PELI2: variants seen among roughly 807,000 people sequenced by gnomAD.
PELI2 encodes the protein E3 ubiquitin-protein ligase pellino homolog 2.
Under a neutral mutation model 42.3 loss-of-function variants are expected in PELI2, and 23 were observed. The ratio of observed to expected loss-of-function variants is 0.54; its 90% CI spans 0.39 to 0.77. PELI2 has a LOEUF of 0.77. Among genes scored for constraint, PELI2 ranks in the 30% least tolerant of loss-of-function variants. PELI2 has a pLI of 0.00. For synonymous variants in PELI2, 245 were observed against 212.2 expected (o/e 1.15, Z -1.34); for missense variants, 463 against 553.2 (o/e 0.84, Z 1.64).
chr14:56,298,582 T>C lies in PELI2; in HGVS notation c.*1416T>C, dbSNP rs1278074725. On this transcript the variant is annotated 3_prime_UTR_variant, in exon 6 of 6. Coordinates refer to ENST00000267460, the MANE Select transcript of PELI2 (RefSeq NM_021255.3). ...GACTTTTTTTTAACCTTTGTACATATACGTAATTTATATGATTCTAATGTA... is the reference window on the plus strand; with the variant it reads ...GACTTTTTTTTAACCTTTGTACATACACGTAATTTATATGATTCTAATGTA... 2.0e-5 allele frequency: 3 copies of C among 152,690 alleles called. No individual in the cohort carries two copies. Among genetic ancestry groups the C allele is most frequent in the African/African-American group, 7.2e-5 (3 of 41,476 alleles). The allele number at this position is 152,690 out of a possible 1,614,324, so 9.5% of individuals were successfully genotyped here.
intron 1 of PELI2, among the ~76,000 whole-genome samples, chr14:56,156,181 A>G (rs752234981): frequency 6.6e-5 from 10 of 152,232 alleles, no homozygotes; most frequent in Admixed American, 1.3e-4. Context: ...TATCTGTAGT[A>G]AGTCTGAATT....
intron 2 of PELI2, among the ~76,000 whole-genome samples, chr14:56,201,999 A>G (rs1886348216): frequency 1.3e-5 from 2 of 152,232 alleles, no homozygotes; most frequent in South Asian, 4.1e-4. Context: ...CCGATGAGGT[A>G]AATTCTATTG....
chr14:56,194,334 G>A (rs973352557), intron 2 of PELI2, among the ~76,000 whole-genome samples: 4 of 152,182 alleles, frequency 2.6e-5, no homozygotes, highest in African/African-American at 9.7e-5. Context: ...GTCTTTGGCT[G>A]TGGTCTCTTC....
At chr14:56,274,953 T>G (rs147910357) in intron 2 of PELI2, among the ~76,000 whole-genome samples, 81 of 152,282 alleles carry the variant, frequency 5.3e-4, no homozygotes, top group African/African-American at 1.9e-3. Flanking sequence ...CTCAAAACAT[T>G]TGAGCTGAGA....
intron 1 of PELI2, among the ~76,000 whole-genome samples, chr14:56,131,302 G>A (rs1883473454): frequency 6.6e-6 from 1 of 152,228 alleles, no homozygotes; most frequent in African/African-American, 2.4e-5. Context: ...AGCTGGCATA[G>A]CTTTACACTG....
In PELI2 at chr14:56,298,470, G is replaced by A. The variant is rs1246648454; in HGVS notation, c.*1304G>A. On this transcript the variant is annotated 3_prime_UTR_variant, in exon 6 of 6. Coordinates refer to ENST00000267460, the MANE Select transcript of PELI2 (RefSeq NM_021255.3). ...CTCCTAGAAGGTAAAGATCCTTTAG[G>A]ACATGAGACTGGTAGAAGCTGGCTG... 1 of 152,550 alleles carries A rather than the reference G, an allele frequency of 6.6e-6. No homozygotes were observed. The highest frequency in any genetic ancestry group is 2.4e-5 in the African/African-American group (1 of 41,418). 9.4% of individuals were successfully genotyped at this position (152,550 alleles called of 1,614,324 possible). A position where few individuals can be genotyped will look rare whatever the true frequency, so the allele number is the denominator to read the frequency against.
At chr14:56,238,004 T>C (rs1887855955) in intron 2 of PELI2, among the ~76,000 whole-genome samples, 1 of 152,194 alleles carries the variant, frequency 6.6e-6, no homozygotes, top group Non-Finnish European at 1.5e-5. Context: ...GTTGCTGTTA[T>C]ATGATTCTTT....
At chr14:56,145,369 G>A (rs969917384) in intron 1 of PELI2, among the ~76,000 whole-genome samples, 5 of 152,184 alleles carry the variant, frequency 3.3e-5, no homozygotes, top group African/African-American at 2.4e-5. Context: ...TTACAATTCA[G>A]CATGAGATTT....
intron 4 of PELI2, among the ~76,000 whole-genome samples, chr14:56,289,866 A>G (rs980149882): frequency 3.9e-5 from 6 of 152,224 alleles, no homozygotes; most frequent in Non-Finnish European, 1.5e-5. Flanking sequence ...TCTCTTCTCT[A>G]TCCTGACAGT....
At chr14:56,276,994 C>G (rs1889316228) in intron 2 of PELI2, among the ~76,000 whole-genome samples, 23 of 152,140 alleles carry the variant, frequency 1.5e-4, no homozygotes. Context: ...TACCCTTTTT[C>G]ATGTGCTACA....
chr14:56,258,118 T>C (rs1888583622), intron 2 of PELI2, among the ~76,000 whole-genome samples: 1 of 152,136 alleles, frequency 6.6e-6, no homozygotes, highest in African/African-American at 2.4e-5. Flanking sequence ...GGAAATCGGA[T>C]AGAGTCTGCA....
intron 2 of PELI2, among the ~76,000 whole-genome samples, chr14:56,240,773 C>T (rs1001191739): frequency 1.3e-5 from 2 of 152,082 alleles, no homozygotes; most frequent in African/African-American, 4.8e-5. Flanking sequence ...GGATGTGGGT[C>T]CCCAAGGCAG....
intron 2 of PELI2, among the ~76,000 whole-genome samples, chr14:56,248,919 T>C (rs997004801): frequency 6.6e-6 from 1 of 152,168 alleles, no homozygotes; most frequent in African/African-American, 2.4e-5. Flanking sequence ...TTAGGAAGTC[T>C]CAGGGAAGCA....
rs369559872 is a variant in PELI2, at chr14:56,213,790, A to G, written c.207+35326A>G. On this transcript the variant is annotated intron_variant, in intron 2 of 5. Transcript: ENST00000267460. ...TATTTATTTAGTTGGATTTCTCCTG[A>G]AGGATATATCAGTTTTCTGAATGAC... 2.0e-4 allele frequency among the ~76,000 whole-genome samples: 30 copies of G among 152,298 alleles called. 1 individual carries two copies. In the East Asian group the frequency reaches 2.7e-3, roughly 14 times the overall value.
At chr14:56,127,749 G>A (rs988286053) in intron 1 of PELI2, among the ~76,000 whole-genome samples, 4 of 152,292 alleles carry the variant, frequency 2.6e-5, no homozygotes, top group East Asian at 1.9e-4. Context: ...TAAAGTGAAC[G>A]TAACTTCTGA....
intron 1 of PELI2, among the ~76,000 whole-genome samples, chr14:56,147,306 A>G (rs1044263497): frequency 2.0e-5 from 3 of 152,184 alleles, no homozygotes; most frequent in Non-Finnish European, 4.4e-5. Context: ...TTTCTTTGGT[A>G]GGTACTTAGT....
At chr14:56,277,270 C>T (rs1011974701) in intron 2 of PELI2, among the ~76,000 whole-genome samples, 9 of 152,234 alleles carry the variant, frequency 5.9e-5, no homozygotes, top group African/African-American at 1.4e-4. Context: ...GCTTGCATTA[C>T]GGGTTGAACT....
intron 2 of PELI2, among the ~76,000 whole-genome samples, chr14:56,270,573 TAC>T (rs1365643876): frequency 6.6e-6 from 1 of 152,232 alleles, no homozygotes; most frequent in Non-Finnish European, 1.5e-5. Context: ...CTCTAATTAA[TAC>T]AGTCAATATC....
At chr14:56,214,856 G>C (rs11851027) in intron 2 of PELI2, among the ~76,000 whole-genome samples, 76 of 152,154 alleles carry the variant, frequency 5.0e-4, no homozygotes, top group Admixed American at 9.2e-4. Flanking sequence ...CCACAGCCTC[G>C]GGAGAAATGA....
Sources: gnomAD v4.1 joint callset for allele counts (sites outside exome capture counted in the v4.1 genomes callset) on GRCh38, gnomAD v4.1.1 for gene constraint, MANE v1.5 for transcripts, NCBI Gene and HGNC (gene_info 2026-07-23, HGNC 2026-07-21) for gene names.